The following MUC7 variants were observed in gnomAD, a reference collection of about 807,000 sequenced individuals.
MUC7 encodes the protein mucin 7, secreted, also known as mucin-7.
A neutral mutation model predicts 2.5 loss-of-function variants in MUC7; 2 were observed. That is an observed-to-expected ratio of 0.81 (90% CI 0.33 to 2.55). The LOEUF (loss-of-function observed/expected upper bound fraction) is 2.55, where lower values mean the gene tolerates loss of function less well. Among genes scored for constraint, MUC7 ranks in the 30% most tolerant of loss-of-function variants. The probability of loss-of-function intolerance (pLI) is 0.11; values close to 1 mark genes in which losing one functional copy is unlikely to be tolerated. For synonymous variants in MUC7, 133 were observed against 173.4 expected (o/e 0.77, Z 1.83); for missense variants, 408 against 455.6 (o/e 0.90, Z 0.95).
intron 1 of MUC7, among the ~76,000 whole-genome samples, chr4:70,452,846 T>C (rs1410550251): frequency 6.6e-6 from 1 of 152,198 alleles, no homozygotes; most frequent in Non-Finnish European, 1.5e-5. Flanking sequence ...GATCAAAGAA[T>C]TCCCTTTAGC....
intron 2 of MUC7, among the ~76,000 whole-genome samples, chr4:70,475,708 TGCAA>T (rs140025041): frequency 0.013 from 2,038 of 152,316 alleles, 42 homozygotes; most frequent in African/African-American, 0.047. Flanking sequence ...GCTATGTACC[TGCAA>T]GTATTTATTA....
chr4:70,443,115 A>G (rs946234734), intron 1 of MUC7, among the ~76,000 whole-genome samples: 2 of 152,158 alleles, frequency 1.3e-5, no homozygotes, highest in Non-Finnish European at 2.9e-5. Context: ...GAAGTTCACC[A>G]AAAAATCTAA....
intron 1 of MUC7, among the ~76,000 whole-genome samples, chr4:70,451,026 G>A (rs1156699017): frequency 6.6e-6 from 1 of 152,130 alleles, no homozygotes; most frequent in Non-Finnish European, 1.5e-5. Flanking sequence ...CTGCCTAAGA[G>A]TTGCAGCCTT....
chr4:70,454,458 A>G (rs888834639), intron 1 of MUC7, among the ~76,000 whole-genome samples: 4 of 152,164 alleles, frequency 2.6e-5, no homozygotes, highest in African/African-American at 9.7e-5. Flanking sequence ...ACAGTCCCAC[A>G]GGCACTGCAT....
chr4:70,440,391 C>T (rs1560545025), intron 1 of MUC7, among the ~76,000 whole-genome samples: 1 of 152,028 alleles, frequency 6.6e-6, no homozygotes, highest in South Asian at 2.1e-4. Flanking sequence ...CAACTTATAC[C>T]GCATGAGCAC....
At chr4:70,473,145 A>T (rs983812765) in intron 1 of MUC7, among the ~76,000 whole-genome samples, 1 of 152,158 alleles carries the variant, frequency 6.6e-6, no homozygotes, top group African/African-American at 2.4e-5. Flanking sequence ...ACTTAGAAAA[A>T]GGGTATCGGC....
At chr4:70,475,732 T>C (rs1300176466) in intron 2 of MUC7, among the ~76,000 whole-genome samples, 1 of 152,252 alleles carries the variant, frequency 6.6e-6, no homozygotes, top group Non-Finnish European at 1.5e-5. Context: ...AAATTTTATT[T>C]TGACAAAATT....
At chr4:70,469,873 A>G (rs1395410044), upstream of MUC7, among the ~76,000 whole-genome samples, 1 of 152,234 alleles carries the variant, frequency 6.6e-6, no homozygotes, top group African/African-American at 2.4e-5. Flanking sequence ...ATCTAGAACC[A>G]GAAATATCGT....
chr4:70,470,021 AT>A (rs1734790516), upstream of MUC7, among the ~76,000 whole-genome samples: 1 of 152,218 alleles, frequency 6.6e-6, no homozygotes, highest in African/African-American at 2.4e-5. Context: ...ATGCCCATCA[AT>A]GATAGACTGG....
intron 1 of MUC7, among the ~76,000 whole-genome samples, chr4:70,447,351 T>A (rs932985790): frequency 1.2e-4 from 18 of 152,276 alleles, no homozygotes; most frequent in African/African-American, 3.8e-4. Flanking sequence ...GCTCATTAAA[T>A]GTTGGCTCCT....
chr4:70,434,593 A>G (rs1733776689), intron 1 of MUC7, among the ~76,000 whole-genome samples: 1 of 151,956 alleles, frequency 6.6e-6, no homozygotes, highest in Non-Finnish European at 1.5e-5. Flanking sequence ...TATTGCATCT[A>G]TTTGATTCTT....
chr4:70,441,307 G>A (rs1733998928), intron 1 of MUC7, among the ~76,000 whole-genome samples: 3 of 152,022 alleles, frequency 2.0e-5, no homozygotes, highest in South Asian at 2.1e-4. Context: ...ATGAAAGAAG[G>A]CCTATAATAT....
chr4:70,447,285 G>A (rs1434619067), intron 1 of MUC7, among the ~76,000 whole-genome samples: 1 of 152,188 alleles, frequency 6.6e-6, no homozygotes, highest in Non-Finnish European at 1.5e-5. Flanking sequence ...GGACTATGGA[G>A]AAGACTGTGA....
At chr4:70,454,942 G>A (rs1171244475) in intron 1 of MUC7, among the ~76,000 whole-genome samples, 1 of 152,072 alleles carries the variant, frequency 6.6e-6, no homozygotes, top group African/African-American at 2.4e-5. Context: ...ACAAAACTAA[G>A]TCCATTCTCA....
Position 70,480,915 on chromosome 4 carries a change from G to T in MUC7, c.171G>T (p.Pro57=), listed in dbSNP as rs758265177. ...CTGGACTGCTAGCTCACCAGAAGCC[G>T]TTCATTAGAAAGTCCTATAAATGTC... ...HYPGLLAHQK[P]FIRKSYKCLH... is the part of the protein sequence containing the mutation. The change falls in exon 3 of 3, where the codon CCG becomes CCT. Residue 57 remains proline, a synonymous_variant. Transcript: ENST00000304887. The T allele has an allele frequency of 6.2e-7, 1 of 1,613,962 alleles. No individual in the cohort carries two copies. The highest frequency in any genetic ancestry group is 1.3e-5 in the African/African-American group (1 of 74,896).
At chr4:70,478,801 A>T (rs1438157145) in intron 2 of MUC7, among the ~76,000 whole-genome samples, 3 of 151,564 alleles carry the variant, frequency 2.0e-5, no homozygotes, top group Admixed American at 6.6e-5. Flanking sequence ...TCTATTTTAT[A>T]TGAGAAAACA....
intron 1 of MUC7, among the ~76,000 whole-genome samples, chr4:70,473,174 C>T (rs1333069423): frequency 2.0e-5 from 3 of 152,160 alleles, no homozygotes; most frequent in African/African-American, 7.2e-5. Context: ...GTGGCTCACA[C>T]CCGTAATCCC....
At chr4:70,475,088 G>C (rs187325642) in intron 2 of MUC7, among the ~76,000 whole-genome samples, 1 of 152,198 alleles carries the variant, frequency 6.6e-6, no homozygotes, top group African/African-American at 2.4e-5. Flanking sequence ...AGACCAGCCT[G>C]GCCAACATGG....
intron 1 of MUC7, among the ~76,000 whole-genome samples, chr4:70,442,523 T>C (rs2109706671): frequency 6.6e-6 from 1 of 152,182 alleles, no homozygotes; most frequent in South Asian, 2.1e-4. Context: ...CCCTCCAGCC[T>C]AGGGGTACAT....
Sources: allele counts gnomAD v4.1 joint callset (sites outside exome capture counted in the v4.1 genomes callset), GRCh38; gene constraint gnomAD v4.1.1; transcripts MANE v1.5; gene names NCBI Gene and HGNC (gene_info 2026-07-23, HGNC 2026-07-21).